The following SUGCT variants were observed in gnomAD, a reference collection of about 807,000 sequenced individuals.
SUGCT encodes succinyl-CoA:glutarate CoA-transferase.
A neutral mutation model predicts 55.0 loss-of-function variants in SUGCT; 41 were observed. The observed-to-expected ratio is 0.74, with a 90% CI of 0.58 to 0.97. The LOEUF is 0.97. Among genes scored for constraint, SUGCT ranks in the 50% least tolerant of loss-of-function variants. SUGCT has a pLI of 0.00. For missense variants in SUGCT, 568 were observed against 547.8 expected (o/e 1.04, Z -0.37); for synonymous variants, 187 against 200.4 (o/e 0.93, Z 0.56).
chr7:40,527,976 A>T (rs1583902854), intron 12 of SUGCT, among the ~76,000 whole-genome samples: 1 of 152,190 alleles, frequency 6.6e-6, no homozygotes, highest in East Asian at 1.9e-4. Flanking sequence ...CCTATGAGGT[A>T]GTACAGCCTA....
At chr7:40,364,477 G>C (rs1203598278) in intron 9 of SUGCT, among the ~76,000 whole-genome samples, 2 of 152,082 alleles carry the variant, frequency 1.3e-5, no homozygotes, top group African/African-American at 4.8e-5. Context: ...CATGTTTAGT[G>C]CTTCCTTCAG....
chr7:40,541,581 C>T (rs188563241), intron 12 of SUGCT, among the ~76,000 whole-genome samples: 1 of 152,140 alleles, frequency 6.6e-6, no homozygotes, highest in East Asian at 1.9e-4. Context: ...CAGCATGGTG[C>T]AATCAAGAAA....
intron 12 of SUGCT, among the ~76,000 whole-genome samples, chr7:40,699,492 C>T (rs970390988): frequency 6.6e-6 from 1 of 152,182 alleles, no homozygotes; most frequent in Admixed American, 6.5e-5. Context: ...GGTGATGAGT[C>T]TCCCCGTGTC....
chr7:40,732,636 A>G (rs1238973888), intron 12 of SUGCT, among the ~76,000 whole-genome samples: 1 of 152,148 alleles, frequency 6.6e-6, no homozygotes, highest in Non-Finnish European at 1.5e-5. Flanking sequence ...GGATCTGAAT[A>G]AGAAGACACA....
the SUGCT span, among the ~76,000 whole-genome samples, chr7:41,024,940 G>C: frequency 6.6e-6 from 1 of 152,214 alleles, no homozygotes; most frequent in Admixed American, 6.5e-5. Context: ...GCGTGTATAA[G>C]TTGTCCTATA....
chr7:40,215,817 G>A (rs1169357994), intron 6 of SUGCT, among the ~76,000 whole-genome samples: 4 of 151,236 alleles, frequency 2.6e-5, no homozygotes, highest in Admixed American at 6.6e-5. Context: ...AGCCGAGATC[G>A]CGCCACTGCA....
chr7:40,791,315 A>T (rs1790298632), intron 13 of SUGCT, among the ~76,000 whole-genome samples: 1 of 152,226 alleles, frequency 6.6e-6, no homozygotes, highest in Admixed American at 6.5e-5. Context: ...TTTACTGTCA[A>T]TGCAATAGAG....
At chr7:40,661,779 C>G (rs561263614) in intron 12 of SUGCT, among the ~76,000 whole-genome samples, 1 of 152,304 alleles carries the variant, frequency 6.6e-6, no homozygotes, top group East Asian at 1.9e-4. Flanking sequence ...TTCTGCAACA[C>G]AACATCCTCT....
intron 1 of SUGCT, among the ~76,000 whole-genome samples, chr7:40,176,961 CAAAAAA>C (rs4051102): frequency 2.0e-5 from 2 of 100,314 alleles, no homozygotes; most frequent in Admixed American, 1.0e-4. Context: ...ACTCCGTCTC[CAAAAAA>C]AAAAAAAAAA....
chr7:40,600,683 G>A (rs1254698573), intron 12 of SUGCT, among the ~76,000 whole-genome samples: 2 of 151,218 alleles, frequency 1.3e-5, no homozygotes, highest in African/African-American at 4.9e-5. Context: ...TTGATCAAGG[G>A]GACATGTGAA....
At chr7:40,526,042 C>A (rs1325257205) in intron 12 of SUGCT, among the ~76,000 whole-genome samples, 1 of 152,104 alleles carries the variant, frequency 6.6e-6, no homozygotes, top group Non-Finnish European at 1.5e-5. Context: ...TATACAGTTA[C>A]CTGTCAGTCT....
Position 40,293,139 on chromosome 7 carries a change from T to C in SUGCT, c.720+18483T>C, listed in dbSNP as rs113371072. 1.5e-3 allele frequency among the ~76,000 whole-genome samples: 223 copies of C among 152,320 alleles called. 3 individuals are homozygous for C. The highest frequency in any genetic ancestry group is 5.0e-3 in the African/African-American group (209 of 41,586). ...GTAGTCATATTTGGTAATGAGAATT[T>C]TTCTGTGTTTATACCATACTTAAGA... On this transcript the variant is annotated intron_variant, in intron 8 of 13. Coordinates refer to ENST00000335693, the MANE Select transcript of SUGCT (RefSeq NM_001193313.2).
chr7:40,589,495 C>T (rs576998146), intron 12 of SUGCT, among the ~76,000 whole-genome samples: 16 of 152,256 alleles, frequency 1.1e-4, no homozygotes, highest in South Asian at 4.1e-4. Context: ...AGAGAGCAAA[C>T]GGATTCCAGA....
At chr7:40,220,849 T>C (rs1787979544) in intron 6 of SUGCT, among the ~76,000 whole-genome samples, 1 of 152,198 alleles carries the variant, frequency 6.6e-6, no homozygotes, top group Non-Finnish European at 1.5e-5. Context: ...TTGTTTGGAT[T>C]GTTGAAAGAG....
chr7:40,759,115 AAAG>A (rs1165505605), intron 13 of SUGCT, among the ~76,000 whole-genome samples: 1 of 152,228 alleles, frequency 6.6e-6, no homozygotes, highest in Non-Finnish European at 1.5e-5. Flanking sequence ...CCGTAGACTT[AAAG>A]AATATCTGCA....
At chr7:40,248,638 G>A (rs1436142454) in intron 7 of SUGCT, among the ~76,000 whole-genome samples, 4 of 150,838 alleles carry the variant, frequency 2.7e-5, no homozygotes, top group Non-Finnish European at 5.9e-5. Flanking sequence ...TGAGATCTTG[G>A]CTTCAGGCAT....
chr7:40,972,705 C>T, the SUGCT span, among the ~76,000 whole-genome samples: 1 of 152,184 alleles, frequency 6.6e-6, no homozygotes, highest in African/African-American at 2.4e-5. Context: ...AAGGATGCTA[C>T]ATTCTTGCCA....
chr7:41,026,071 A>G, the SUGCT span, among the ~76,000 whole-genome samples: 1 of 152,198 alleles, frequency 6.6e-6, no homozygotes, highest in African/African-American at 2.4e-5. Context: ...ACGCAGGTCT[A>G]TGTGTGCTCT....
intron 1 of SUGCT, among the ~76,000 whole-genome samples, chr7:40,164,282 C>T (rs762050051): frequency 3.3e-5 from 5 of 152,112 alleles, no homozygotes; most frequent in African/African-American, 9.7e-5. Context: ...CACCTTCCAC[C>T]ATGCCCAGCT....
Sources: gnomAD v4.1 joint callset for allele counts (sites outside exome capture counted in the v4.1 genomes callset) on GRCh38, gnomAD v4.1.1 for gene constraint, MANE v1.5 for transcripts, NCBI Gene and HGNC (gene_info 2026-07-23, HGNC 2026-07-21) for gene names.